Variants in GNG12 observed in about 807,000 individuals in gnomAD.
GNG12 encodes G protein subunit gamma 12.
For missense variants in GNG12, 69 were observed against 83.8 expected (o/e 0.82, Z 0.69); for synonymous variants, 28 against 29.7 (o/e 0.94, Z 0.19).
intron 2 of GNG12, among the ~76,000 whole-genome samples, chr1:67,755,685 T>A (rs1253804208): frequency 2.0e-5 from 3 of 152,196 alleles, no homozygotes; most frequent in African/African-American, 7.2e-5. Flanking sequence ...ACATCCATCC[T>A]TATATACCTC....
chr1:67,797,266 T>G (rs1415202233), intron 1 of GNG12, among the ~76,000 whole-genome samples: 1 of 152,270 alleles, frequency 6.6e-6, no homozygotes. Flanking sequence ...ATCATGCTCA[T>G]CAGAATAAGT....
At chr1:67,770,468 G>A (rs771374414) in intron 2 of GNG12, among the ~76,000 whole-genome samples, 6 of 152,298 alleles carry the variant, frequency 3.9e-5, no homozygotes, top group East Asian at 1.9e-4. Flanking sequence ...TGGTGGAGGG[G>A]AGGGTGAAAG....
chr1:67,721,127 G>A (rs920907990), intron 2 of GNG12, among the ~76,000 whole-genome samples: 1 of 152,148 alleles, frequency 6.6e-6, no homozygotes, highest in Non-Finnish European at 1.5e-5. Context: ...GGAATGATCA[G>A]GGAAGCAGAA....
At chr1:67,806,729 C>T (rs1372568042) in intron 1 of GNG12, among the ~76,000 whole-genome samples, 4 of 152,110 alleles carry the variant, frequency 2.6e-5, no homozygotes, top group African/African-American at 9.7e-5. Context: ...TCCAATACAA[C>T]ATAACAATAT....
chr1:67,771,453 G>A (rs1485381561), intron 2 of GNG12, among the ~76,000 whole-genome samples: 3 of 152,214 alleles, frequency 2.0e-5, no homozygotes, highest in Non-Finnish European at 4.4e-5. Context: ...ATCTATCTGT[G>A]AGCTCTTGTA....
At chr1:67,731,592 C>T (rs1255435776) in intron 2 of GNG12, among the ~76,000 whole-genome samples, 1 of 152,124 alleles carries the variant, frequency 6.6e-6, no homozygotes, top group Non-Finnish European at 1.5e-5. Flanking sequence ...AAAGGGCAGG[C>T]AGTTTGGTTC....
chr1:67,718,024 G>C (rs1386947198), intron 2 of GNG12, among the ~76,000 whole-genome samples: 1 of 152,226 alleles, frequency 6.6e-6, no homozygotes, highest in Non-Finnish European at 1.5e-5. Context: ...GCACGTGCCT[G>C]ACATGCACTG....
chr1:67,707,025 T>C (rs963545649), intron 3 of GNG12, among the ~76,000 whole-genome samples: 2 of 152,168 alleles, frequency 1.3e-5, no homozygotes, highest in Non-Finnish European at 2.9e-5. Context: ...TAGTTCTCTC[T>C]TGGGATTTAG....
At chr1:67,828,363 C>T (rs1647022716) in intron 1 of GNG12, among the ~76,000 whole-genome samples, 2 of 152,214 alleles carry the variant, frequency 1.3e-5, no homozygotes, top group African/African-American at 4.8e-5. Flanking sequence ...ATAAAGCCCA[C>T]TTCACTCTCA....
intron 2 of GNG12, among the ~76,000 whole-genome samples, chr1:67,714,912 G>T (rs757911116): frequency 5.9e-5 from 9 of 151,474 alleles, no homozygotes; most frequent in Middle Eastern, 3.4e-3. Flanking sequence ...GGAGAAAACG[G>T]CCATCTTTTG....
chr1:67,757,727 T>C (rs1251189394), intron 2 of GNG12, among the ~76,000 whole-genome samples: 2 of 152,074 alleles, frequency 1.3e-5, no homozygotes, highest in African/African-American at 4.8e-5. Context: ...GTGATTTTGG[T>C]CACAGTGGAA....
intron 1 of GNG12, among the ~76,000 whole-genome samples, chr1:67,813,370 C>T (rs1340150660): frequency 6.6e-6 from 1 of 152,108 alleles, no homozygotes; most frequent in Non-Finnish European, 1.5e-5. Context: ...CAGTTTAGGG[C>T]CAGAAAAAAA....
At chr1:67,757,900 G>T (rs1371906468) in intron 2 of GNG12, among the ~76,000 whole-genome samples, 2 of 152,242 alleles carry the variant, frequency 1.3e-5, no homozygotes, top group African/African-American at 2.4e-5. Flanking sequence ...GCAATGGACA[G>T]GGGTTACATA....
chr1:67,757,052 ATG>A (rs944914578), intron 2 of GNG12, among the ~76,000 whole-genome samples: 1 of 152,152 alleles, frequency 6.6e-6, no homozygotes, highest in African/African-American at 2.4e-5. Flanking sequence ...GTCACCAGAA[ATG>A]TTTTAAATTT....
At chr1:67,736,096 A>G (rs1307610760) in intron 2 of GNG12, among the ~76,000 whole-genome samples, 1 of 152,078 alleles carries the variant, frequency 6.6e-6, no homozygotes, top group African/African-American at 2.4e-5. Flanking sequence ...CATCAACAGG[A>G]TGTCTTCCTG....
At chr1:67,826,616 C>G (rs889058634) in intron 1 of GNG12, among the ~76,000 whole-genome samples, 2 of 152,144 alleles carry the variant, frequency 1.3e-5, no homozygotes, top group African/African-American at 4.8e-5. Context: ...AGCTCAGGCA[C>G]CTAGTCTAAA....
At chr1:67,781,226 A>T (rs796261699) in intron 1 of GNG12, among the ~76,000 whole-genome samples, 14 of 152,348 alleles carry the variant, frequency 9.2e-5, no homozygotes, top group African/African-American at 3.4e-4. Context: ...TGCATCTAGA[A>T]TGTAAAAGAA....
rs1352865773 is a variant in GNG12, at chr1:67,785,768, G to A, written c.-76-8261C>T. Among the ~76,000 whole-genome samples, 4 of 152,158 alleles carry A rather than the reference G, an allele frequency of 2.6e-5. No homozygotes were observed. In the East Asian group the frequency reaches 7.7e-4, roughly 29 times the overall value. On this transcript the variant is annotated intron_variant, in intron 1 of 3. Transcript: ENST00000370982. ...ATGAGACACTTCTAATGCATTCTTAGGCTGGAAGTCTGCATTAGCCAAACG... is the reference window on the plus strand; with the variant it reads ...ATGAGACACTTCTAATGCATTCTTAAGCTGGAAGTCTGCATTAGCCAAACG...
intron 2 of GNG12, among the ~76,000 whole-genome samples, chr1:67,734,319 T>C (rs886613069): frequency 3.9e-5 from 6 of 152,120 alleles, no homozygotes; most frequent in Non-Finnish European, 7.4e-5. Context: ...ATAGGTTTTC[T>C]GAAGACTGGG....
Sources: allele counts gnomAD v4.1 joint callset (sites outside exome capture counted in the v4.1 genomes callset), GRCh38; gene constraint gnomAD v4.1.1; transcripts MANE v1.5; gene names NCBI Gene and HGNC (gene_info 2026-07-23, HGNC 2026-07-21).